Variants in CPEB1 observed in about 807,000 individuals in gnomAD.
The protein encoded by CPEB1 is cytoplasmic polyadenylation element-binding protein 1.
A neutral mutation model predicts 65.8 loss-of-function variants in CPEB1; 7 were observed. The observed-to-expected ratio is 0.11, with a 90% confidence interval of 0.06 to 0.20. The LOEUF (loss-of-function observed/expected upper bound fraction) is 0.20. CPEB1 is among the 10% of genes least tolerant of loss of function. The pLI is 1.00. For synonymous variants in CPEB1, 262 were observed against 260.0 expected (o/e 1.01, Z -0.08); for missense variants, 551 against 712.2 (o/e 0.77, Z 2.58).
intron 1 of CPEB1, chr15:82,640,877 A>G (rs975796961): frequency 1.3e-5 from 2 of 151,910 alleles, no homozygotes; most frequent in African/African-American, 4.8e-5. Context: ...TGCAAGTACC[A>G]AGACAAGACA....
chr15:82,643,714 G>C (rs2151392227), intron 1 of CPEB1, among the ~76,000 whole-genome samples: 1 of 152,156 alleles, frequency 6.6e-6, no homozygotes, highest in East Asian at 1.9e-4. Flanking sequence ...TACAATGCTG[G>C]GATTCTAAGT....
chr15:82,647,534 T>C (rs1361835007), upstream of CPEB1: 5 of 279,258 alleles, frequency 1.8e-5, no homozygotes, highest in Non-Finnish European at 3.3e-5. Flanking sequence ...CTCCTTTATG[T>C]CCGGTCAGCT....
At chr15:82,580,849 CT>C (rs113794355) in intron 3 of CPEB1, among the ~76,000 whole-genome samples, 29 of 147,234 alleles carry the variant, frequency 2.0e-4, no homozygotes, top group East Asian at 4.0e-4. Flanking sequence ...TCCCCAATTT[CT>C]TTTTTTTTTT....
intron 3 of CPEB1, among the ~76,000 whole-genome samples, chr15:82,601,239 T>TAA (rs77547021): frequency 0.27 from 38,962 of 144,212 alleles, 5,409 homozygotes; most frequent in South Asian, 0.42. Context: ...GTGGTTTTCT[T>TAA]AAAAAAAAAA....
chr15:82,576,762 C>G (rs1487355537), intron 3 of CPEB1, among the ~76,000 whole-genome samples: 2 of 152,170 alleles, frequency 1.3e-5, no homozygotes, highest in Non-Finnish European at 2.9e-5. Flanking sequence ...GTGGCTCATA[C>G]GTGTAGTCCC....
In CPEB1 at chr15:82,606,678, C is replaced by T. The variant is rs527841557; in HGVS notation, c.271+20515G>A. Among the ~76,000 whole-genome samples the T allele has an allele frequency of 8.4e-4, 85 of 101,446 alleles. 21 individuals are homozygous for T. The highest frequency in any genetic ancestry group is 1.2e-3 in the Admixed American group (12 of 10,312). 66.6% of individuals were successfully genotyped at this position (101,446 alleles called of 152,430 possible). A position where few individuals can be genotyped will look rare whatever the true frequency, so the allele number is the denominator to read the frequency against. On this transcript the variant is annotated intron_variant, in intron 3 of 12. Transcript: ENST00000684509. ...CTAAAAATACAAAAAATTAGCCGGG[C>T]GTAGTGGCGGGCGCCTGTAGTCCCA...
Position 82,610,871 on chromosome 15 carries a change from T to C in CPEB1, c.271+16322A>G, listed in dbSNP as rs1022678517. ...TACTCTGGAGGCTGAGGCAGGAGAA[T>C]TGCTTGAACCCGGGAGGCAGAGGTT... is the stretch of plus-strand genomic sequence containing the variant. On this transcript the variant is annotated intron_variant, in intron 3 of 12. Coordinates refer to ENST00000684509, the MANE Select transcript of CPEB1 (RefSeq NM_001365242.1). Among the ~76,000 whole-genome samples, 7 of 134,902 alleles carry C rather than the reference T, an allele frequency of 5.2e-5. No individual in the cohort carries two copies. The East Asian group carries it at 6.4e-4, about 12-fold the overall frequency. The allele number at this position is 134,902 out of a possible 152,430, so 88.5% of individuals were successfully genotyped here. A position where few individuals can be genotyped will look rare whatever the true frequency, so the allele number is the denominator to read the frequency against.
At chr15:82,606,545 G>A (rs1378292414) in intron 3 of CPEB1, among the ~76,000 whole-genome samples, 1,265 of 48,688 alleles carry the variant, frequency 0.026, 80 homozygotes, top group Middle Eastern at 0.051. Context: ...AAGGCCGGGC[G>A]CGGTGGCTCA....
intron 1 of CPEB1, chr15:82,629,725 C>G: frequency 3.0e-6 from 3 of 985,412 alleles, no homozygotes; most frequent in Non-Finnish European, 3.6e-6. Context: ...AGTAATGAAA[C>G]TGGCACTTAA....
chr15:82,639,551 G>T (rs1399619374), intron 1 of CPEB1, among the ~76,000 whole-genome samples: 1 of 151,770 alleles, frequency 6.6e-6, no homozygotes, highest in African/African-American at 2.4e-5. Flanking sequence ...TAGAACAGTG[G>T]TTTTTATCAC....
At chr15:82,550,427 G>A (rs559169234) in intron 9 of CPEB1, among the ~76,000 whole-genome samples, 1 of 152,326 alleles carries the variant, frequency 6.6e-6, no homozygotes, top group African/African-American at 2.4e-5. Context: ...AAGGCTGGTG[G>A]CAACGAGCAG....
intron 10 of CPEB1, chr15:82,548,803 T>G (rs1353076953): frequency 2.4e-6 from 1 of 421,984 alleles, no homozygotes; most frequent in Non-Finnish European, 4.8e-6. Context: ...CTGACCAGAT[T>G]CAGTGTGGGT....
chr15:82,631,952 T>A (rs1003882442), intron 1 of CPEB1, among the ~76,000 whole-genome samples: 4 of 151,188 alleles, frequency 2.6e-5, no homozygotes, highest in Admixed American at 2.6e-4. Context: ...AGGGCCCAAG[T>A]CTAAACACAG....
chr15:82,622,380 C>T (rs1006810801), intron 3 of CPEB1, among the ~76,000 whole-genome samples: 1 of 151,948 alleles, frequency 6.6e-6, no homozygotes, highest in Admixed American at 6.6e-5. Flanking sequence ...ACGGGGAATT[C>T]AGATGCTCCA....
Position 82,590,222 on chromosome 15 carries a change from A to C in CPEB1, c.272-18690T>G, listed in dbSNP as rs61343956. Among the ~76,000 whole-genome samples the C allele has an allele frequency of 1.3e-3, 192 of 144,130 alleles. 1 individual carries two copies. The highest frequency in any genetic ancestry group is 0.013 in the East Asian group (66 of 5,098). 94.6% of individuals were successfully genotyped at this position (144,130 alleles called of 152,430 possible). A position where few individuals can be genotyped will look rare whatever the true frequency, so the allele number is the denominator to read the frequency against. On this transcript the variant is annotated intron_variant, in intron 3 of 12. Transcript: ENST00000684509. ...TCATCCCTTTGACAAAAAAAAAAAA[A>C]AAAAAAAAAAAAAAAAAACAGTTGT...
chr15:82,639,004 G>A (rs1035018702), intron 1 of CPEB1, among the ~76,000 whole-genome samples: 1 of 152,156 alleles, frequency 6.6e-6, no homozygotes, highest in Non-Finnish European at 1.5e-5. Flanking sequence ...AGTGGGGTGG[G>A]GGAGCAGAAA....
upstream of CPEB1, chr15:82,647,758 G>T (rs1335240161): frequency 9.1e-6 from 10 of 1,093,498 alleles, no homozygotes; most frequent in Middle Eastern, 3.5e-4. Context: ...CGGGGCGGGG[G>T]ATGGGGGTAC....
intron 3 of CPEB1, among the ~76,000 whole-genome samples, chr15:82,606,530 A>G (rs1250487598): frequency 8.8e-6 from 1 of 113,660 alleles, no homozygotes; most frequent in Non-Finnish European, 1.8e-5. Context: ...TTAAAAATAC[A>G]TAGTAAGGCC....
chr15:82,640,889 G>A (rs1466327297), intron 1 of CPEB1: 3 of 143,206 alleles, frequency 2.1e-5, no homozygotes, highest in Non-Finnish European at 4.5e-5. Context: ...GACAAGACAA[G>A]ATTGATCAGA....
Sources: allele counts gnomAD v4.1 joint callset (sites outside exome capture counted in the v4.1 genomes callset), GRCh38; gene constraint gnomAD v4.1.1; transcripts MANE v1.5; gene names NCBI Gene and HGNC (gene_info 2026-07-23, HGNC 2026-07-21).